The following LPP variants were observed in gnomAD, a reference collection of about 807,000 sequenced individuals.
LPP encodes lipoma-preferred partner.
In LPP, 38 loss-of-function variants were observed where a neutral mutation model predicts 60.4. That is an observed-to-expected ratio of 0.63 (90% CI 0.49 to 0.83). LPP has a LOEUF of 0.83. LPP is among the 40% of genes least tolerant of loss of function. LPP has a pLI of 0.00. For missense variants in LPP, 902 were observed against 783.6 expected, an observed-to-expected ratio of 1.15 and a Z score of -1.80; for synonymous variants, 328 against 290.8, an observed-to-expected ratio of 1.13 and a Z score of -1.30.
chr3:188,646,266 G>A (rs1233464024), intron 7 of LPP, among the ~76,000 whole-genome samples: 3 of 152,072 alleles, frequency 2.0e-5, no homozygotes, highest in South Asian at 2.1e-4. Flanking sequence ...AGTGACCAAG[G>A]ATGGTCAGCC....
chr3:188,781,606 C>G (rs55970652), intron 9 of LPP, among the ~76,000 whole-genome samples: 53,146 of 151,424 alleles, frequency 0.35, 9,691 homozygotes, highest in Middle Eastern at 0.42. Context: ...CCCCCTGCCT[C>G]GGTGCGGTCG....
intron 3 of LPP, among the ~76,000 whole-genome samples, chr3:188,377,498 C>T (rs571828730): frequency 1.8e-4 from 28 of 152,268 alleles, no homozygotes; most frequent in African/African-American, 6.3e-4. Context: ...TTGATCGCAT[C>T]GGCTACTGAG....
At chr3:188,512,596 G>A (rs1210682255) in intron 5 of LPP, among the ~76,000 whole-genome samples, 2 of 85,200 alleles carry the variant, frequency 2.3e-5, no homozygotes, top group African/African-American at 4.3e-5. Context: ...AATAAATAAA[G>A]TTCCCACCCT....
intron 2 of LPP, among the ~76,000 whole-genome samples, chr3:188,235,911 G>A (rs1180347330): frequency 2.6e-5 from 4 of 151,772 alleles, no homozygotes; most frequent in East Asian, 1.9e-4. Flanking sequence ...TTCTCCTCTA[G>A]ATTGTAGAAG....
At chr3:188,668,679 A>G (rs12497255) in intron 7 of LPP, among the ~76,000 whole-genome samples, 31,034 of 152,178 alleles carry the variant, frequency 0.2, 3,626 homozygotes, top group South Asian at 0.38. Flanking sequence ...ACAATCTGGA[A>G]CAGACGTGCA....
At chr3:188,266,105 ATG>A (rs1457175622) in intron 2 of LPP, among the ~76,000 whole-genome samples, 3 of 151,868 alleles carry the variant, frequency 2.0e-5, no homozygotes, top group African/African-American at 7.3e-5. Flanking sequence ...TGAGCAGACC[ATG>A]TGTGTGTTCT....
At chr3:188,819,468 G>A (rs1428646055) in intron 9 of LPP, among the ~76,000 whole-genome samples, 1 of 152,080 alleles carries the variant, frequency 6.6e-6, no homozygotes, top group Non-Finnish European at 1.5e-5. Context: ...CATACCCTGG[G>A]CATTGATAAA....
At position 188,782,288 on chromosome 3, in the gene LPP, C is replaced by T. The variant is rs139648885; in HGVS notation, c.1410+22006C>T. Reference sequence around the variant, plus strand: ...ATCACTTTCAGGACCATCCTTGCCACTTGTCTCAGGCATCATGTACCTGGA... The same window carrying T: ...ATCACTTTCAGGACCATCCTTGCCATTTGTCTCAGGCATCATGTACCTGGA... On this transcript the variant is annotated intron_variant, in intron 9 of 11. Transcript: ENST00000617246. Among the ~76,000 whole-genome samples, 350 of 152,310 alleles carry T rather than the reference C, an allele frequency of 2.3e-3. 1 individual carries two copies. The highest frequency in any genetic ancestry group is 8.3e-3 in the African/African-American group (344 of 41,560).
intron 2 of LPP, among the ~76,000 whole-genome samples, chr3:188,269,645 A>ACATGTGTGTG (rs1553845284): frequency 7.3e-6 from 1 of 136,454 alleles, no homozygotes; most frequent in South Asian, 2.4e-4. Flanking sequence ...CTTTTTTTTT[A>ACATGTGTGTG]TGTGTGTGTG....
At chr3:188,318,814 A>G (rs1294131765) in intron 2 of LPP, among the ~76,000 whole-genome samples, 4 of 130,126 alleles carry the variant, frequency 3.1e-5, no homozygotes, top group Non-Finnish European at 4.6e-5. Flanking sequence ...GCTGGAGTGC[A>G]GTGGCGCGAT....
intron 3 of LPP, among the ~76,000 whole-genome samples, chr3:188,371,080 C>T (rs1195898110): frequency 6.6e-6 from 1 of 152,120 alleles, no homozygotes; most frequent in East Asian, 1.9e-4. Context: ...CCACGAACAT[C>T]TTCAATTTCC....
chr3:188,434,658 T>C (rs1439011307), intron 4 of LPP, among the ~76,000 whole-genome samples: 1 of 152,200 alleles, frequency 6.6e-6, no homozygotes, highest in East Asian at 1.9e-4. Context: ...CCTGAGGCAA[T>C]TCCCCCTGGA....
intron 7 of LPP, among the ~76,000 whole-genome samples, chr3:188,638,662 CAA>C (rs1256511136): frequency 5.4e-5 from 8 of 148,714 alleles, no homozygotes; most frequent in African/African-American, 1.8e-4. Flanking sequence ...GCAACTTCAG[CAA>C]AGTCTCAGGA....
At chr3:188,274,844 A>G (rs1414771670) in intron 2 of LPP, among the ~76,000 whole-genome samples, 3 of 152,222 alleles carry the variant, frequency 2.0e-5, no homozygotes, top group African/African-American at 7.2e-5. Flanking sequence ...TGTAATAAGC[A>G]GTTTCACCTC....
At position 188,217,422 on chromosome 3, in the gene LPP, T is replaced by C. The variant is rs1714070461; in HGVS notation, c.-189-7983T>C. ...AGCAGGTGGTGGTAAGTGAGAGACC[T>C]GAGCTTCTTAGACCTGAGTCCAGAT... is the stretch of plus-strand genomic sequence containing the variant. On this transcript the variant is annotated intron_variant, in intron 1 of 11. Transcript: ENST00000617246. The surrounding 1 kb of genome is among the most constrained non-coding windows in gnomAD (Gnocchi z 4.0). 6.6e-6 allele frequency among the ~76,000 whole-genome samples: 1 copy of C among 152,150 alleles called. No homozygotes were observed. Among genetic ancestry groups the C allele is most frequent in the South Asian group, 2.1e-4 (1 of 4,836 alleles).
At chr3:188,326,865 G>T (rs1758565062) in intron 2 of LPP, among the ~76,000 whole-genome samples, 1 of 151,802 alleles carries the variant, frequency 6.6e-6, no homozygotes, top group Non-Finnish European at 1.5e-5. Flanking sequence ...TTTTCTTTGG[G>T]TCTGACCTCT....
At chr3:188,686,879 G>T (rs62290016) in intron 7 of LPP, among the ~76,000 whole-genome samples, 20,307 of 152,150 alleles carry the variant, frequency 0.13, 1,505 homozygotes, top group Non-Finnish European at 0.17. Context: ...AACAAGGAGT[G>T]AAGACCTTGA....
At chr3:188,873,106 C>A (rs542604798) in intron 11 of LPP, among the ~76,000 whole-genome samples, 1 of 152,142 alleles carries the variant, frequency 6.6e-6, no homozygotes, top group Non-Finnish European at 1.5e-5. Flanking sequence ...TTAACTTTGG[C>A]TCTGAGGCTT....
intron 9 of LPP, among the ~76,000 whole-genome samples, chr3:188,792,405 A>G (rs1399236928): frequency 6.6e-6 from 1 of 152,150 alleles, no homozygotes; most frequent in Non-Finnish European, 1.5e-5. Flanking sequence ...AGATTGTGCC[A>G]GACATACCAG....
Sources: allele counts gnomAD v4.1 joint callset (sites outside exome capture counted in the v4.1 genomes callset), GRCh38; gene constraint gnomAD v4.1.1; non-coding constraint Gnocchi (gnomAD v3.1); transcripts MANE v1.5; gene names NCBI Gene and HGNC (gene_info 2026-07-23, HGNC 2026-07-21).